The following PCMT1 variants were observed in gnomAD, a reference collection of about 807,000 sequenced individuals.
PCMT1 encodes the protein protein-L-isoaspartate(D-aspartate) O-methyltransferase.
In PCMT1, 9 loss-of-function variants were observed where a neutral mutation model predicts 29.2. The ratio of observed to expected loss-of-function variants is 0.31; its 90% CI spans 0.19 to 0.54. The LOEUF is 0.54. PCMT1 is among the 20% of genes least tolerant of loss of function. The pLI, the probability that PCMT1 is intolerant of heterozygous loss-of-function variation, is 0.95. For missense variants in PCMT1, 184 were observed against 282.2 expected (o/e 0.65, Z 2.49); for synonymous variants, 98 against 97.5 (o/e 1.00, Z -0.03).
chr6:149,756,041 C>A (rs1786491088), intron 1 of PCMT1, among the ~76,000 whole-genome samples: 1 of 152,108 alleles, frequency 6.6e-6, no homozygotes, highest in Non-Finnish European at 1.5e-5. Flanking sequence ...GGATCCAACA[C>A]CAAGGTTTTA....
chr6:149,750,125 CG>C (rs1786243143), intron 1 of PCMT1, 169 bp downstream of exon 1: 9 of 907,348 alleles, frequency 9.9e-6, no homozygotes, highest in Non-Finnish European at 1.3e-5. Flanking sequence ...TCGCCTCCCT[CG>C]GGACCTGTCA....
At chr6:149,797,000 GAC>G (rs1788643082) in intron 6 of PCMT1, 1 of 152,458 alleles carries the variant, frequency 6.6e-6, no homozygotes, top group Non-Finnish European at 1.5e-5. Flanking sequence ...TTTTAGTAGA[GAC>G]GGGGTTTCAC....
intron 1 of PCMT1, among the ~76,000 whole-genome samples, chr6:149,764,096 C>T (rs940392796): frequency 3.1e-4 from 47 of 152,118 alleles, no homozygotes; most frequent in Admixed American, 2.6e-4. Context: ...ATGAATCACC[C>T]TCTGGGATTT....
intron 1 of PCMT1, among the ~76,000 whole-genome samples, chr6:149,753,373 C>T (rs1205855809): frequency 6.6e-6 from 1 of 150,942 alleles, no homozygotes; most frequent in African/African-American, 2.4e-5. Context: ...GCTCTTATTG[C>T]CCAGGCTGGA....
intron 1 of PCMT1, among the ~76,000 whole-genome samples, chr6:149,750,503 G>A (rs1355545023): frequency 6.6e-6 from 1 of 152,166 alleles, no homozygotes; most frequent in Non-Finnish European, 1.5e-5. Flanking sequence ...AGGGGAGGAA[G>A]ATGAGAGTAT....
intron 4 of PCMT1, among the ~76,000 whole-genome samples, chr6:149,793,248 A>G (rs779875023): frequency 1.3e-5 from 2 of 152,186 alleles, no homozygotes; most frequent in Non-Finnish European, 2.9e-5. Flanking sequence ...TGGAATTTAA[A>G]TAAAAAATTA....
chr6:149,779,638 C>T (rs1183778314), intron 3 of PCMT1, among the ~76,000 whole-genome samples: 1 of 151,972 alleles, frequency 6.6e-6, no homozygotes, highest in Non-Finnish European at 1.5e-5. Flanking sequence ...GGCAATATCC[C>T]GTCTCTACTA....
intron 3 of PCMT1, among the ~76,000 whole-genome samples, chr6:149,787,315 A>ACCGTGGGGAGAGGGAGG (rs764945226): frequency 2.3e-5 from 3 of 131,904 alleles, no homozygotes; most frequent in Non-Finnish European, 4.9e-5. Flanking sequence ...GGAGAGGGAG[A>ACCGTGGGGAGAGGGAGG]GGGAGAGGGA....
chr6:149,771,412 A>G, intron 2 of PCMT1, 146 bp downstream of exon 2: 1 of 500,020 alleles, frequency 2.0e-6, no homozygotes. Flanking sequence ...ATAATCCCAA[A>G]CATACCTATT....
chr6:149,790,510 T>C lies in PCMT1; in HGVS notation c.297+452T>C, dbSNP rs9480479. Among the ~76,000 whole-genome samples the C allele has an allele frequency of 4.8e-3, 577 of 120,746 alleles. 5 individuals carry two copies. Among genetic ancestry groups the C allele is most frequent in the African/African-American group, 0.022 (557 of 25,758 alleles). The allele number at this position is 120,746 out of a possible 152,430, so 79.2% of individuals were successfully genotyped here. A position where few individuals can be genotyped will look rare whatever the true frequency, so the allele number is the denominator to read the frequency against. ...GAAAAGAATAGAATAAGCCTGGTTTTCTTTTCTTTTTTTTTTTTTTTTCTT... is the reference window on the plus strand; with the variant it reads ...GAAAAGAATAGAATAAGCCTGGTTTCCTTTTCTTTTTTTTTTTTTTTTCTT... On this transcript the variant is annotated intron_variant, in intron 4 of 7. Coordinates refer to ENST00000464889, the MANE Select transcript of PCMT1 (RefSeq NM_001360452.2).
In PCMT1 at chr6:149,800,561, A is replaced by C. The variant is rs73779567; in HGVS notation, c.505-1639A>C. On this transcript the variant is annotated intron_variant, in intron 6 of 7. Coordinates refer to ENST00000464889, the MANE Select transcript of PCMT1 (RefSeq NM_001360452.2). ...TGTTTTTTATTAATAGTGATGCGTA[A>C]AGCTATATGAAAATGGTAACATGAT... is the stretch of plus-strand genomic sequence containing the variant. 3.5e-3 allele frequency among the ~76,000 whole-genome samples: 528 copies of C among 152,272 alleles called. 3 individuals carry two copies. The highest frequency in any genetic ancestry group is 0.012 in the African/African-American group (500 of 41,538).
At chr6:149,760,866 A>G (rs1212862954) in intron 1 of PCMT1, among the ~76,000 whole-genome samples, 1 of 152,074 alleles carries the variant, frequency 6.6e-6, no homozygotes, top group Non-Finnish European at 1.5e-5. Flanking sequence ...CAAACAAAAC[A>G]AAAAGAGCAT....
At chr6:149,810,312 G>A (rs534668279) in intron 7 of PCMT1, among the ~76,000 whole-genome samples, 16 of 152,252 alleles carry the variant, frequency 1.1e-4, no homozygotes, top group East Asian at 5.8e-4. Flanking sequence ...AAAGATGACC[G>A]TAGATCTAAA....
At chr6:149,795,695 G>C in intron 5 of PCMT1, 1 of 339,356 alleles carries the variant, frequency 2.9e-6, no homozygotes, top group Admixed American at 3.7e-5. Flanking sequence ...TTCCTGAATT[G>C]AGAGAAGCAT....
intron 7 of PCMT1, chr6:149,809,975 G>T (rs926714289): frequency 6.6e-6 from 1 of 152,168 alleles, no homozygotes; most frequent in South Asian, 2.1e-4. Flanking sequence ...TTTTACTGAG[G>T]TATAACTGAG....
At chr6:149,766,397 A>T (rs1787086663) in intron 1 of PCMT1, among the ~76,000 whole-genome samples, 1 of 147,806 alleles carries the variant, frequency 6.8e-6, no homozygotes, top group Admixed American at 6.6e-5. Context: ...GCTTACACTT[A>T]AAAAAAATCA....
At chr6:149,790,270 A>G (rs998668602) in intron 4 of PCMT1, among the ~76,000 whole-genome samples, 3 of 152,336 alleles carry the variant, frequency 2.0e-5, no homozygotes, top group South Asian at 2.1e-4. Context: ...TATTTAGTTC[A>G]TATAACAGAA....
chr6:149,758,208 C>CTTTCTTTCTTTTTTTTT (rs1554251094), intron 1 of PCMT1, among the ~76,000 whole-genome samples: 3 of 73,906 alleles, frequency 4.1e-5, no homozygotes, highest in Admixed American at 2.2e-4. Flanking sequence ...TTCTTTCTTT[C>CTTTCTTTCTTTTTTTTT]TTTTTTTTTT....
rs77058597 is a variant in PCMT1 at position 149,761,178 on chromosome 6, T to TACAC, written c.56-9970_56-9967dup. On this transcript the variant is annotated intron_variant, in intron 1 of 7. Transcript: ENST00000464889. ...TGTCTAAAGTAGATAAAACATGAAA[T>TACAC]ACACACACACACACACATAAAATTT... Among the ~76,000 whole-genome samples, 694 of 148,746 alleles carry TACAC rather than the reference T, an allele frequency of 4.7e-3. 9 individuals carry two copies. The highest frequency in any genetic ancestry group is 0.014 in the African/African-American group (581 of 40,518).
Sources: gnomAD v4.1 joint callset for allele counts (sites outside exome capture counted in the v4.1 genomes callset) on GRCh38, gnomAD v4.1.1 for gene constraint, MANE v1.5 for transcripts, NCBI Gene and HGNC (gene_info 2026-07-23, HGNC 2026-07-21) for gene names.